Variants in ENOX2 observed in about 807,000 individuals in gnomAD.
ENOX2 encodes the protein APK1 antigen.
A neutral mutation model predicts 45.0 loss-of-function variants in ENOX2; 36 were observed. The observed-to-expected ratio is 0.80, with a 90% CI of 0.61 to 1.06. The LOEUF is 1.06. Among genes scored for constraint, ENOX2 ranks in the 50% least tolerant of loss-of-function variants. The pLI is 0.00. For missense variants in ENOX2, 423 were observed against 462.5 expected (o/e 0.91, Z 0.78); for synonymous variants, 174 against 152.3 (o/e 1.14, Z -1.05).
At chrX:130,832,953 A>G (rs2077862135) in intron 2 of ENOX2, among the ~76,000 whole-genome samples, 1 of 109,581 alleles carries the variant, frequency 9.1e-6, no homozygotes. Context: ...CCAGATAAAC[A>G]TAAGAAAGAC....
At chrX:130,630,930 G>C (rs1256845043) in intron 13 of ENOX2, among the ~76,000 whole-genome samples, 1 of 107,575 alleles carries the variant, frequency 9.3e-6, no homozygotes. Flanking sequence ...ATGTGGTGTT[G>C]GAAAAGACAC....
intron 10 of ENOX2, among the ~76,000 whole-genome samples, chrX:130,638,003 C>G (rs1180644409): frequency 9.0e-6 from 1 of 111,090 alleles, no homozygotes; most frequent in Non-Finnish European, 1.9e-5. Flanking sequence ...AAATACAAGG[C>G]ACAGATGGAG....
rs142871860 is a variant in ENOX2, at chrX:130,797,786, G to A, written c.-182-14096C>T. 6.9e-3 allele frequency among the ~76,000 whole-genome samples: 776 copies of A among 111,683 alleles called. 2 individuals carry two copies. Among genetic ancestry groups the A allele is most frequent in the Non-Finnish European group, 8.7e-3 (462 of 53,146 alleles). ...TTTTAAAAGGCAATTGTTTTCTTTG[G>A]CACACATGTGACCCAAATCTGGTTT... On this transcript the variant is annotated intron_variant, in intron 2 of 14. Coordinates refer to ENST00000394363, the MANE Select transcript of ENOX2 (RefSeq NM_006375.4).
chrX:130,683,819 T>C (rs2037377659), intron 5 of ENOX2, among the ~76,000 whole-genome samples: 1 of 111,340 alleles, frequency 9.0e-6, no homozygotes, highest in African/African-American at 3.3e-5. Flanking sequence ...CTCAGTTTCC[T>C]GGAAATCAGA....
intron 2 of ENOX2, among the ~76,000 whole-genome samples, chrX:130,843,828 A>G (rs1303624831): frequency 8.9e-6 from 1 of 111,773 alleles, no homozygotes; most frequent in African/African-American, 3.3e-5. Flanking sequence ...AGCATCCTAC[A>G]TGTGTAATCA....
Position 130,682,207 on chromosome X carries a change from T to G in ENOX2, c.254-2459A>C, listed in dbSNP as rs1211452065. 2.7e-5 allele frequency among the ~76,000 whole-genome samples: 3 copies of G among 110,774 alleles called. No individual in the cohort carries two copies. The Admixed American group carries it at 2.9e-4, about 11-fold the overall frequency. Reference sequence around the variant, plus strand: ...AAGTTAGTAATCACTTTTATACCATTTGAGTTTCCTTTAGTCTACCTTTAG... The same window carrying G: ...AAGTTAGTAATCACTTTTATACCATGTGAGTTTCCTTTAGTCTACCTTTAG... On this transcript the variant is annotated intron_variant, in intron 5 of 14. Coordinates refer to ENST00000394363, the MANE Select transcript of ENOX2 (RefSeq NM_006375.4).
intron 3 of ENOX2, among the ~76,000 whole-genome samples, chrX:130,749,899 T>G (rs1394858276): frequency 2.7e-5 from 3 of 110,601 alleles, no homozygotes; most frequent in African/African-American, 9.9e-5. Flanking sequence ...AATTCCTCTC[T>G]GCCTGTGTCT....
chrX:130,632,364 C>CGGGCG (rs1556405683), intron 12 of ENOX2, among the ~76,000 whole-genome samples: 1 of 7,785 alleles, frequency 1.3e-4, no homozygotes, highest in Non-Finnish European at 3.1e-4. Flanking sequence ...CAGGAAGGGG[C>CGGGCG]GGGGGGGGGG....
At chrX:130,669,683 T>A in intron 7 of ENOX2, among the ~76,000 whole-genome samples, 1 of 112,077 alleles carries the variant, frequency 8.9e-6, no homozygotes, top group Non-Finnish European at 1.9e-5. Flanking sequence ...GTCTCTGACG[T>A]GGAAAGTGAG....
chrX:130,765,707 T>C (rs924154220), intron 3 of ENOX2, among the ~76,000 whole-genome samples: 43 of 111,854 alleles, frequency 3.8e-4, no homozygotes, highest in African/African-American at 1.4e-3. Flanking sequence ...CTGTTATCCA[T>C]GAATGAATCA....
At chrX:130,683,179 A>C (rs993339710) in intron 5 of ENOX2, among the ~76,000 whole-genome samples, 1 of 112,096 alleles carries the variant, frequency 8.9e-6, no homozygotes, top group Non-Finnish European at 1.9e-5. Flanking sequence ...GTCATTGCTG[A>C]TCTTTGAGAA....
At chrX:130,719,938 G>A (rs2038432571) in intron 3 of ENOX2, among the ~76,000 whole-genome samples, 1 of 111,911 alleles carries the variant, frequency 8.9e-6, no homozygotes, top group Non-Finnish European at 1.9e-5. Context: ...ATAGGCAAAA[G>A]GGTAAAAATT....
chrX:130,895,889 C>T (rs999583897), intron 2 of ENOX2, among the ~76,000 whole-genome samples: 1 of 112,385 alleles, frequency 8.9e-6, no homozygotes, highest in Non-Finnish European at 1.9e-5. Context: ...GGAAGCAACA[C>T]TGAGGGATAG....
chrX:130,750,106 C>T (rs1032452982), intron 3 of ENOX2, among the ~76,000 whole-genome samples: 12 of 110,918 alleles, frequency 1.1e-4, no homozygotes, highest in African/African-American at 3.9e-4. Flanking sequence ...TGACCAACGG[C>T]TTCTGACAAT....
Position 130,656,613 on chromosome X carries a change from T to C in ENOX2, c.1097A>G (p.Glu366Gly). 1.7e-6 allele frequency: 2 copies of C among 1,161,747 alleles called. No homozygotes were observed. Among genetic ancestry groups the C allele is most frequent in the Non-Finnish European group, 2.3e-6 (2 of 853,609 alleles). ...CTCAGTTTCTTTTGTTTCTGTCATT[T>C]CTTCTATTTCATCATCAGACATTTC... ...EMEMSDDEIE[E>G]MTETKETEES... The change falls in exon 10 of 15, where the codon GAA becomes GGA. Residue 366 changes from glutamate (E) to glycine (G), a missense_variant. Physicochemically the swap from Glu to Gly is moderately conservative, Grantham distance 98 (BLOSUM62 -2). Transcript: ENST00000394363.
intron 9 of ENOX2, among the ~76,000 whole-genome samples, chrX:130,659,391 C>T (rs917918518): frequency 8.1e-5 from 9 of 111,510 alleles, no homozygotes; most frequent in Non-Finnish European, 1.3e-4. Flanking sequence ...CATAGACTCT[C>T]CCATGTGCTT....
intron 3 of ENOX2, among the ~76,000 whole-genome samples, chrX:130,765,175 C>T (rs1411148180): frequency 9.0e-6 from 1 of 111,330 alleles, no homozygotes; most frequent in Non-Finnish European, 1.9e-5. Flanking sequence ...TCATGACACA[C>T]TCTCAGCAGT....
At chrX:130,674,810 T>G (rs1341027625) in intron 6 of ENOX2, among the ~76,000 whole-genome samples, 1 of 86,682 alleles carries the variant, frequency 1.2e-5, no homozygotes, top group Non-Finnish European at 2.2e-5. Flanking sequence ...GATGTTCCCC[T>G]TCCCGTGTCC....
chrX:130,893,199 G>C (rs1441452815), intron 2 of ENOX2, among the ~76,000 whole-genome samples: 1 of 112,237 alleles, frequency 8.9e-6, no homozygotes, highest in East Asian at 2.8e-4. Flanking sequence ...ATATTTAAAA[G>C]TACTTCAAAC....
Sources: allele counts gnomAD v4.1 joint callset (sites outside exome capture counted in the v4.1 genomes callset), GRCh38; gene constraint gnomAD v4.1.1; transcripts MANE v1.5; gene names NCBI Gene and HGNC (gene_info 2026-07-23, HGNC 2026-07-21).